Variants in NELFCD observed in about 807,000 individuals in gnomAD.
NELFCD encodes negative elongation factor complex member C/D, also known as negative elongation factor C/D.
Under a neutral mutation model 72.9 loss-of-function variants are expected in NELFCD, and 48 were observed. That is an observed-to-expected ratio of 0.66 (90% CI 0.52 to 0.84). The LOEUF is 0.84. Among genes scored for constraint, NELFCD ranks in the 40% least tolerant of loss-of-function variants. The pLI is 0.00. For synonymous variants in NELFCD, 297 were observed against 280.6 expected (o/e 1.06, Z -0.59); for missense variants, 538 against 723.8 (o/e 0.74, Z 2.94).
chr20:58,983,334 C>T (rs541940338), intron 1 of NELFCD, among the ~76,000 whole-genome samples: 9 of 152,056 alleles, frequency 5.9e-5, no homozygotes, highest in African/African-American at 1.9e-4. Flanking sequence ...CAGTGTTTCA[C>T]CACGTTGGCC....
Position 58,991,447 on chromosome 20 carries a change from G to T in NELFCD, c.1089+1G>T. The stretch of plus-strand genomic sequence containing the variant: ...AAGCGTGGTTGAGACCTGGAAGAAG[G>T]TACCATCGGTTCTGGGAATTTGTGG... On this transcript the variant is annotated splice_donor_variant, in intron 9 of 14. Transcript: ENST00000652272. LOFTEE classifies it high-confidence loss of function. The T allele has an allele frequency of 6.2e-7, 1 of 1,614,084 alleles. No individual in the cohort carries two copies. Among genetic ancestry groups the T allele is most frequent in the Non-Finnish European group, 8.5e-7 (1 of 1,180,016 alleles).
chr20:58,991,204 T>C, intron 8 of NELFCD, 108 bp from the exon 9 acceptor site: 1 of 1,564,176 alleles, frequency 6.4e-7, no homozygotes, highest in Non-Finnish European at 8.7e-7. Context: ...AGTCACACTC[T>C]CTGCCTGGAG....
chr20:58,986,638 C>G lies in NELFCD; in HGVS notation c.177-116C>G, dbSNP rs1328380925. 1 of 789,410 alleles carries G rather than the reference C, an allele frequency of 1.3e-6. No homozygotes were observed. The highest frequency in any genetic ancestry group is 1.7e-5 in the African/African-American group (1 of 59,066). 48.9% of individuals were successfully genotyped at this position (789,410 alleles called of 1,614,324 possible). On this transcript the variant is annotated intron_variant, in intron 2 of 14. Coordinates refer to ENST00000652272, the MANE Select transcript of NELFCD (RefSeq NM_198976.4). This position sits in a 1 kb window ranked among gnomAD's most constrained non-coding sequence, Gnocchi z 4.4. ...GATTACAGGTGTGCACCACTGCACC[C>G]AGCCCCCTCCGCTGCTTTAAAAATT...
intron 1 of NELFCD, among the ~76,000 whole-genome samples, chr20:58,984,412 A>C (rs925814292): frequency 5.3e-5 from 8 of 152,216 alleles, no homozygotes; most frequent in African/African-American, 1.7e-4. Flanking sequence ...GAATGTTGCT[A>C]CTGCAAGCAT....
chr20:58,994,455 C>T (rs1273226839), intron 14 of NELFCD, among the ~76,000 whole-genome samples, 187 bp from the exon 15 acceptor site: 6 of 150,486 alleles, frequency 4.0e-5, no homozygotes, highest in South Asian at 2.1e-4. Flanking sequence ...CCTAGCTACT[C>T]GGGAGGCTGA....
At chr20:58,987,594 C>A in intron 3 of NELFCD, 114 bp from the exon 4 acceptor site, 1 of 814,582 alleles carries the variant, frequency 1.2e-6, no homozygotes, top group Non-Finnish European at 2.0e-6. Flanking sequence ...TATAAGTGGT[C>A]AGAAGCAATT....
chr20:58,987,671 A>C, intron 3 of NELFCD, 37 bp from the exon 4 acceptor site: 1 of 1,539,290 alleles, frequency 6.5e-7, no homozygotes, highest in Non-Finnish European at 9.0e-7. Flanking sequence ...GTGAATGGAC[A>C]GCTTGCCATT....
At chr20:58,988,120 T>G (rs1018703217) in intron 4 of NELFCD, among the ~76,000 whole-genome samples, 9 of 152,180 alleles carry the variant, frequency 5.9e-5, no homozygotes, top group Non-Finnish European at 7.4e-5. Context: ...TGGATTCGTT[T>G]GGTTCCTCCA....
intron 1 of NELFCD, 93 bp downstream of exon 1, chr20:58,981,462 G>C: frequency 2.2e-6 from 1 of 455,636 alleles, no homozygotes; most frequent in Non-Finnish European, 2.9e-6. Context: ...CGCGGCGCGA[G>C]GCTGCGGGCG....
At chr20:58,990,183 G>A (rs1455814133) in intron 7 of NELFCD, 195 bp downstream of exon 7, 2 of 634,938 alleles carry the variant, frequency 3.1e-6, no homozygotes, top group African/African-American at 3.7e-5. Flanking sequence ...GATCACCTAA[G>A]GTCAGGAGTT....
chr20:58,994,910 G>A lies in NELFCD; in HGVS notation c.*234G>A. ...ACTGCTCCCAAATCCTGTTTTCAGT[G>A]TTCATTTCCCTCAAGGCAGGCGCTG... On this transcript the variant is annotated 3_prime_UTR_variant, in exon 15 of 15. Coordinates refer to ENST00000652272, the MANE Select transcript of NELFCD (RefSeq NM_198976.4). The A allele has an allele frequency of 1.9e-6, 1 of 532,546 alleles. No homozygotes were observed. The allele number at this position is 532,546 out of a possible 1,614,324, so 33.0% of individuals were successfully genotyped here. A position where few individuals can be genotyped will look rare whatever the true frequency, so the allele number is the denominator to read the frequency against.
At chr20:58,991,595 C>A in intron 9 of NELFCD, 149 bp downstream of exon 9, 1 of 898,292 alleles carries the variant, frequency 1.1e-6, no homozygotes, top group Non-Finnish European at 1.7e-6. Context: ...AGAGAAAGCA[C>A]TAAACGTCTC....
chr20:58,987,624 T>C, intron 3 of NELFCD, 84 bp from the exon 4 acceptor site: 1 of 1,086,450 alleles, frequency 9.2e-7, no homozygotes, highest in Non-Finnish European at 1.4e-6. Flanking sequence ...TTGATTCACA[T>C]AGAGACTTTT....
chr20:58,991,452 A>G lies in NELFCD; in HGVS notation c.1089+6A>G, dbSNP rs746943468. The G allele has an allele frequency of 1.4e-5, 22 of 1,613,916 alleles. No individual in the cohort carries two copies. The highest frequency in any genetic ancestry group is 1.9e-5 in the Non-Finnish European group (22 of 1,180,016). On this transcript the variant is annotated splice_donor_region_variant and intron_variant, in intron 9 of 14. Coordinates refer to ENST00000652272, the MANE Select transcript of NELFCD (RefSeq NM_198976.4). ...TGGTTGAGACCTGGAAGAAGGTACC[A>G]TCGGTTCTGGGAATTTGTGGATTTT...
At position 58,986,683 on chromosome 20, in the gene NELFCD, C is replaced by T. The variant is rs1449972688; in HGVS notation, c.177-71C>T. The T allele has an allele frequency of 2.8e-6, 3 of 1,085,826 alleles. No individual in the cohort carries two copies. In the African/African-American group the frequency reaches 4.6e-5, roughly 17 times the overall value. The allele number at this position is 1,085,826 out of a possible 1,614,324, so 67.3% of individuals were successfully genotyped here. ...AAAATTTTGAAACCTGATTCTCTTC[C>T]TCCTTCCTTACCTTCCTGTTGTCCA... On this transcript the variant is annotated intron_variant, in intron 2 of 14. Transcript: ENST00000652272. This position sits in a 1 kb window ranked among gnomAD's most constrained non-coding sequence, Gnocchi z 4.4.
intron 1 of NELFCD, among the ~76,000 whole-genome samples, chr20:58,984,689 G>T (rs1192960454): frequency 6.6e-6 from 1 of 152,206 alleles, no homozygotes; most frequent in African/African-American, 2.4e-5. Flanking sequence ...TGAGACATCT[G>T]ACTGGAAATG....
chr20:58,990,887 G>A (rs1462732485), intron 7 of NELFCD, 23 bp from the exon 8 acceptor site: 1 of 1,599,690 alleles, frequency 6.3e-7, no homozygotes, highest in Non-Finnish European at 8.5e-7. Flanking sequence ...TTAGTAACGG[G>A]GTCTATGGTT....
intron 14 of NELFCD, 148 bp from the exon 15 acceptor site, chr20:58,994,494 A>T (rs1288405063): frequency 1.4e-6 from 1 of 724,362 alleles, no homozygotes; most frequent in Non-Finnish European, 2.3e-6. Context: ...CCTGGGAGGC[A>T]GAGGTTGCAG....
In NELFCD at chr20:58,982,083, C is replaced by A. The variant is rs367587662; in HGVS notation, c.60+714C>A. On this transcript the variant is annotated intron_variant, in intron 1 of 14. Transcript: ENST00000652272. ...CGCATGATTGAAATGTAGCTTCTCACGTCCCTCCCCTGGAGACGGCCCAAC... is the reference window on the plus strand; with the variant it reads ...CGCATGATTGAAATGTAGCTTCTCAAGTCCCTCCCCTGGAGACGGCCCAAC... Among the ~76,000 whole-genome samples the A allele has an allele frequency of 1.1e-4, 16 of 150,810 alleles. 1 individual carries two copies. Among genetic ancestry groups the A allele is most frequent in the African/African-American group, 2.7e-4 (11 of 40,970 alleles).
Sources: gnomAD v4.1 joint callset for allele counts (sites outside exome capture counted in the v4.1 genomes callset) on GRCh38, gnomAD v4.1.1 for gene constraint, Gnocchi (gnomAD v3.1) non-coding constraint, MANE v1.5 for transcripts, NCBI Gene and HGNC (gene_info 2026-07-23, HGNC 2026-07-21) for gene names.